The following STAG1 variants were observed in gnomAD, a reference collection of about 807,000 sequenced individuals.
STAG1 encodes the protein STAG1 cohesin complex component.
A neutral mutation model predicts 170.9 loss-of-function variants in STAG1; 26 were observed. The ratio of observed to expected loss-of-function variants is 0.15; its 90% CI spans 0.11 to 0.21. STAG1 has a LOEUF of 0.21. STAG1 is among the 10% of genes least tolerant of loss of function. The pLI is 1.00. For synonymous variants in STAG1, 514 were observed against 497.7 expected (o/e 1.03, Z -0.44); for missense variants, 964 against 1,509.5 (o/e 0.64, Z 5.99).
chr3:136,504,242 A>G (rs1933642365), intron 7 of STAG1, among the ~76,000 whole-genome samples: 1 of 152,236 alleles, frequency 6.6e-6, no homozygotes, highest in Non-Finnish European at 1.5e-5. Flanking sequence ...AAACAAATGT[A>G]AACATCCTGA....
chr3:136,494,096 G>C (rs1296100187), intron 9 of STAG1, among the ~76,000 whole-genome samples: 1 of 151,920 alleles, frequency 6.6e-6, no homozygotes, highest in Non-Finnish European at 1.5e-5. Context: ...ACAGGGAGAA[G>C]CCCTAGTTTC....
At chr3:136,458,535 CCAGAAATAAACAGCA>C (rs111288410) in intron 13 of STAG1, among the ~76,000 whole-genome samples, 7 of 152,004 alleles carry the variant, frequency 4.6e-5, no homozygotes, top group African/African-American at 1.4e-4. Context: ...AATAGATACA[CCAGAAATAAACAGCA>C]CAGAATCAAA....
At chr3:136,476,916 ACTATGATATGGTC>A (rs2089765749) in intron 10 of STAG1, among the ~76,000 whole-genome samples, 1 of 152,190 alleles carries the variant, frequency 6.6e-6, no homozygotes, top group African/African-American at 2.4e-5. Context: ...AAAGCACTCT[ACTATGATATGGTC>A]CTAGAAAATT....
intron 2 of STAG1, among the ~76,000 whole-genome samples, chr3:136,623,454 GGAAAT>G (rs1159715348): frequency 3.3e-5 from 5 of 151,680 alleles, no homozygotes; most frequent in Non-Finnish European, 7.4e-5. Flanking sequence ...AAATAAAGAG[GGAAAT>G]GAAGAGGAAG....
At chr3:136,540,845 A>AAAAAAAAAAAAAAAC (rs1935858874) in intron 6 of STAG1, among the ~76,000 whole-genome samples, 2 of 144,086 alleles carry the variant, frequency 1.4e-5, no homozygotes, top group Non-Finnish European at 3.0e-5. Flanking sequence ...AAAAAAAAAA[A>AAAAAAAAAAAAAAAC]AAAAAAACCT....
Position 136,337,659 on chromosome 3 carries a change from A to G in STAG1, c.*595T>C, listed in dbSNP as rs1935744918. On this transcript the variant is annotated 3_prime_UTR_variant, in exon 34 of 34. Coordinates refer to ENST00000383202, the MANE Select transcript of STAG1 (RefSeq NM_005862.3). ...ACAGAGGGTGTGTGGTTTTTGGCAG[A>G]GATGTACTATGTCAGAATTTCATCT... 6.6e-6 allele frequency: 1 copy of G among 152,644 alleles called. No individual in the cohort carries two copies. Among genetic ancestry groups the G allele is most frequent in the African/African-American group, 2.4e-5 (1 of 41,448 alleles). 9.5% of individuals were successfully genotyped at this position (152,644 alleles called of 1,614,324 possible). A position where few individuals can be genotyped will look rare whatever the true frequency, so the allele number is the denominator to read the frequency against.
chr3:136,717,671 T>C (rs145970104), intron 1 of STAG1, among the ~76,000 whole-genome samples: 1 of 152,008 alleles, frequency 6.6e-6, no homozygotes, highest in Admixed American at 6.6e-5. Flanking sequence ...TCTCAATAAA[T>C]TAATTAATAC....
chr3:136,550,040 T>G (rs1402528184), intron 5 of STAG1, among the ~76,000 whole-genome samples: 2 of 152,190 alleles, frequency 1.3e-5, no homozygotes, highest in Non-Finnish European at 2.9e-5. Context: ...GTTTAGGACT[T>G]TTTGCATATA....
chr3:136,736,158 T>C (rs1228774761), intron 1 of STAG1, among the ~76,000 whole-genome samples: 1 of 152,170 alleles, frequency 6.6e-6, no homozygotes, highest in African/African-American at 2.4e-5. Context: ...CTGTATGAGT[T>C]CCACAAACTA....
intron 9 of STAG1, among the ~76,000 whole-genome samples, chr3:136,494,876 G>A (rs909196579): frequency 6.6e-6 from 1 of 152,110 alleles, no homozygotes; most frequent in South Asian, 2.1e-4. Flanking sequence ...ATTCTATATT[G>A]TTAAGAGGTT....
intron 1 of STAG1, among the ~76,000 whole-genome samples, chr3:136,659,144 G>T (rs575366519): frequency 6.6e-6 from 1 of 152,136 alleles, no homozygotes; most frequent in African/African-American, 2.4e-5. Context: ...AGCACAGAAC[G>T]CGAGTGATAG....
chr3:136,435,725 A>G lies in STAG1; in HGVS notation c.1547-2066T>C, dbSNP rs903215237. Among the ~76,000 whole-genome samples, 4 of 151,832 alleles carry G rather than the reference A, an allele frequency of 2.6e-5. No individual in the cohort carries two copies. In the East Asian group the frequency reaches 7.7e-4, roughly 29 times the overall value. On this transcript the variant is annotated intron_variant, in intron 15 of 33. Transcript: ENST00000383202. The stretch of plus-strand genomic sequence containing the variant: ...ACTCGTGTCACCCAGGCTGGAGTGC[A>G]GTGAGGCTATCTTGGCTCACTGCAA...
At chr3:136,409,681 C>T (rs1283642821) in intron 21 of STAG1, among the ~76,000 whole-genome samples, 1 of 152,058 alleles carries the variant, frequency 6.6e-6, no homozygotes, top group Non-Finnish European at 1.5e-5. Context: ...TACACTCAGT[C>T]TGAAGAATGT....
intron 1 of STAG1, among the ~76,000 whole-genome samples, chr3:136,659,177 A>C (rs749564153): frequency 6.6e-6 from 1 of 152,248 alleles, no homozygotes; most frequent in African/African-American, 2.4e-5. Flanking sequence ...TTCTTTAAAC[A>C]ACAGTAAAAT....
At chr3:136,383,954 C>CAAAAAA (rs71304276) in intron 22 of STAG1, among the ~76,000 whole-genome samples, 16 of 58,838 alleles carry the variant, frequency 2.7e-4, no homozygotes, top group Admixed American at 3.8e-4. Context: ...GACTCCGTCT[C>CAAAAAA]AAAAAAAAAA....
intron 1 of STAG1, among the ~76,000 whole-genome samples, chr3:136,683,516 G>A (rs754429998): frequency 3.3e-5 from 5 of 152,064 alleles, no homozygotes; most frequent in Non-Finnish European, 4.4e-5. Flanking sequence ...CACCAGCCTC[G>A]GCCTCCCAAA....
At chr3:136,722,681 C>G (rs375802252) in intron 1 of STAG1, among the ~76,000 whole-genome samples, 9 of 150,206 alleles carry the variant, frequency 6.0e-5, no homozygotes, top group Non-Finnish European at 8.9e-5. Flanking sequence ...CCCTCTCCCC[C>G]CTTTCCCTCT....
chr3:136,615,980 C>T (rs1939573566), intron 3 of STAG1, among the ~76,000 whole-genome samples: 1 of 151,846 alleles, frequency 6.6e-6, no homozygotes, highest in Non-Finnish European at 1.5e-5. Flanking sequence ...AAGTAAAAGT[C>T]ATCAGACGCT....
intron 1 of STAG1, among the ~76,000 whole-genome samples, chr3:136,743,305 T>C (rs1934770024): frequency 6.6e-6 from 1 of 151,778 alleles, no homozygotes; most frequent in African/African-American, 2.4e-5. Context: ...GAGGCGGAAG[T>C]TACAGTGAGC....
Sources: gnomAD v4.1 joint callset for allele counts (sites outside exome capture counted in the v4.1 genomes callset) on GRCh38, gnomAD v4.1.1 for gene constraint, MANE v1.5 for transcripts, NCBI Gene and HGNC (gene_info 2026-07-23, HGNC 2026-07-21) for gene names.